The following GTF2E2 variants were observed in gnomAD, a reference collection of about 807,000 sequenced individuals.
The protein encoded by GTF2E2 is general transcription factor IIE subunit 2.
In GTF2E2, 21 loss-of-function variants were observed where a neutral mutation model predicts 40.5. The observed-to-expected ratio is 0.52, with a 90% CI of 0.37 to 0.75. The LOEUF (loss-of-function observed/expected upper bound fraction) is 0.75. GTF2E2 is among the 30% of genes least tolerant of loss of function. GTF2E2 has a pLI of 0.00. For missense variants in GTF2E2, 298 were observed against 338.4 expected (o/e 0.88, Z 0.94); for synonymous variants, 117 against 121.6 (o/e 0.96, Z 0.25).
intron 3 of GTF2E2, among the ~76,000 whole-genome samples, chr8:30,620,695 T>A (rs1345303901): frequency 9.8e-6 from 1 of 102,326 alleles, no homozygotes. Context: ...GAGGCTGACG[T>A]GGGTGAATCA....
chr8:30,647,215 C>T (rs1448156043), intron 2 of GTF2E2, among the ~76,000 whole-genome samples: 1 of 151,930 alleles, frequency 6.6e-6, no homozygotes, highest in African/African-American at 2.4e-5. Flanking sequence ...TTTTAAATCT[C>T]TATTACTGAT....
chr8:30,636,058 T>C (rs770747922), intron 2 of GTF2E2, among the ~76,000 whole-genome samples: 1 of 152,170 alleles, frequency 6.6e-6, no homozygotes, highest in Non-Finnish European at 1.5e-5. Context: ...CCCCCTCTCC[T>C]TCTCTATCTG....
intron 2 of GTF2E2, among the ~76,000 whole-genome samples, chr8:30,635,327 T>C (rs1377880230): frequency 6.6e-6 from 1 of 152,160 alleles, no homozygotes; most frequent in Non-Finnish European, 1.5e-5. Context: ...AAACAAAGTA[T>C]AAATAACTTA....
At chr8:30,599,580 C>A (rs374206874) in intron 6 of GTF2E2, among the ~76,000 whole-genome samples, 788 of 113,656 alleles carry the variant, frequency 6.9e-3, no homozygotes, top group South Asian at 0.01. Flanking sequence ...GTTTGTCTCA[C>A]AAAAAAAAAA....
At chr8:30,657,541 C>T (rs1210873517) in intron 1 of GTF2E2, 1 of 152,208 alleles carries the variant, frequency 6.6e-6, no homozygotes, top group Non-Finnish European at 1.5e-5. Flanking sequence ...CAGAAATCAA[C>T]TACTATCGTT....
intron 3 of GTF2E2, among the ~76,000 whole-genome samples, chr8:30,623,384 T>A (rs967018875): frequency 6.6e-6 from 1 of 152,142 alleles, no homozygotes; most frequent in East Asian, 1.9e-4. Flanking sequence ...CTCATCATTT[T>A]TTATGGCTGC....
At chr8:30,613,363 G>T (rs1233440310) in intron 4 of GTF2E2, among the ~76,000 whole-genome samples, 1 of 152,194 alleles carries the variant, frequency 6.6e-6, no homozygotes, top group African/African-American at 2.4e-5. Context: ...GAGTAGGAAT[G>T]CAGGAATTAC....
At chr8:30,632,907 T>C (rs1801483109) in intron 3 of GTF2E2, among the ~76,000 whole-genome samples, 1 of 152,190 alleles carries the variant, frequency 6.6e-6, no homozygotes, top group Admixed American at 6.5e-5. Context: ...AACTTATATA[T>C]TTGAACATTT....
rs558062672 is a variant in GTF2E2 at position 30,625,515 on chromosome 8, C to T, written c.258+9517G>A. On this transcript the variant is annotated intron_variant, in intron 3 of 7. Coordinates refer to ENST00000355904, the MANE Select transcript of GTF2E2 (RefSeq NM_002095.6). ...GGTGCTCACAGTAACAGGCAACGACCGAACAGCCAAATCAATGGTTTCATA... is the reference window on the plus strand; with the variant it reads ...GGTGCTCACAGTAACAGGCAACGACTGAACAGCCAAATCAATGGTTTCATA... 5.3e-5 allele frequency among the ~76,000 whole-genome samples: 8 copies of T among 152,202 alleles called. No homozygotes were observed. The South Asian group carries it at 1.2e-3, about 24-fold the overall frequency.
rs747176833 is a variant in GTF2E2, at chr8:30,653,632, C to A, written c.-4-30G>T. 4.6e-6 allele frequency: 7 copies of A among 1,535,204 alleles called. No individual in the cohort carries two copies. The African/African-American group carries it at 9.7e-5, about 21-fold the overall frequency. Reference sequence around the variant, plus strand: ...AAAGAAAAAATAAGTGTCTTTAATACAAATTCAAGTCACTCAAACCTGCAC... The same window carrying A: ...AAAGAAAAAATAAGTGTCTTTAATAAAAATTCAAGTCACTCAAACCTGCAC... On this transcript the variant is annotated intron_variant, in intron 1 of 7. Transcript: ENST00000355904.
At chr8:30,645,483 G>C in intron 2 of GTF2E2, 1 of 1,535,598 alleles carries the variant, frequency 6.5e-7, no homozygotes, top group African/African-American at 1.4e-5. Context: ...TTTATGAAGT[G>C]CTTGACTGCT....
intron 2 of GTF2E2, among the ~76,000 whole-genome samples, chr8:30,642,664 A>G (rs965398857): frequency 6.6e-6 from 1 of 152,178 alleles, no homozygotes; most frequent in African/African-American, 2.4e-5. Flanking sequence ...ATAAGAGTAT[A>G]TGTTTTCCCT....
intron 2 of GTF2E2, chr8:30,645,700 G>A (rs1298255622): frequency 4.2e-6 from 5 of 1,183,720 alleles, no homozygotes; most frequent in Non-Finnish European, 5.8e-6. Flanking sequence ...AATTCTGACT[G>A]AATGGTTAAA....
chr8:30,638,439 T>C (rs576418082), intron 2 of GTF2E2, among the ~76,000 whole-genome samples: 36 of 152,314 alleles, frequency 2.4e-4, no homozygotes, highest in African/African-American at 7.7e-4. Flanking sequence ...GGGATGACAG[T>C]TGATACCCCA....
intron 3 of GTF2E2, among the ~76,000 whole-genome samples, chr8:30,634,231 T>C (rs537799888): frequency 1.3e-5 from 2 of 152,276 alleles, no homozygotes; most frequent in Non-Finnish European, 2.9e-5. Context: ...GAAAATCACA[T>C]GAGCTTAGGA....
At chr8:30,645,749 ACT>A in intron 2 of GTF2E2, 3 of 707,656 alleles carry the variant, frequency 4.2e-6, no homozygotes, top group Non-Finnish European at 6.9e-6. Context: ...TTAAACATGC[ACT>A]GTTTGTGTGT....
intron 2 of GTF2E2, chr8:30,645,640 C>A (rs1351822284): frequency 1.3e-6 from 2 of 1,484,124 alleles, no homozygotes; most frequent in East Asian, 2.5e-5. Flanking sequence ...GCAGCTCAAC[C>A]TCTTCTGAGA....
intron 6 of GTF2E2, among the ~76,000 whole-genome samples, chr8:30,585,427 A>G (rs1828650302): frequency 6.6e-6 from 1 of 152,210 alleles, no homozygotes; most frequent in Non-Finnish European, 1.5e-5. Context: ...GATCTCATTT[A>G]TGTAAAGCAG....
At chr8:30,588,107 T>A (rs1828736481) in intron 6 of GTF2E2, among the ~76,000 whole-genome samples, 1 of 152,172 alleles carries the variant, frequency 6.6e-6, no homozygotes, top group Non-Finnish European at 1.5e-5. Context: ...AGGGAACACC[T>A]GTACACTGTT....
Sources: allele counts gnomAD v4.1 joint callset (sites outside exome capture counted in the v4.1 genomes callset), GRCh38; gene constraint gnomAD v4.1.1; transcripts MANE v1.5; gene names NCBI Gene and HGNC (gene_info 2026-07-23, HGNC 2026-07-21).